The following PPARGC1A variants were observed in gnomAD, a reference collection of about 807,000 sequenced individuals.
PPARGC1A encodes the protein PPARG coactivator 1 alpha.
A neutral mutation model predicts 88.7 loss-of-function variants in PPARGC1A; 25 were observed. The observed-to-expected ratio is 0.28, with a 90% CI of 0.21 to 0.39. The LOEUF (loss-of-function observed/expected upper bound fraction) is 0.39, where lower values mean the gene tolerates loss of function less well. PPARGC1A is among the 10% of genes least tolerant of loss of function. PPARGC1A has a pLI of 1.00. For synonymous variants in PPARGC1A, 363 were observed against 355.6 expected, an observed-to-expected ratio of 1.02 and a Z score of -0.24; for missense variants, 880 against 968.7, an observed-to-expected ratio of 0.91 and a Z score of 1.22.
the PPARGC1A span, among the ~76,000 whole-genome samples, chr4:23,910,227 A>G: frequency 9.2e-6 from 1 of 108,390 alleles, no homozygotes; most frequent in Non-Finnish European, 1.8e-5. Context: ...TATATAATAT[A>G]TTATATATAA....
chr4:23,913,304 AG>A, the PPARGC1A span, among the ~76,000 whole-genome samples: 1,081 of 141,300 alleles, frequency 7.7e-3, 7 homozygotes, highest in Middle Eastern at 0.022. Context: ...AGAGAGAGAG[AG>A]AGAAAGAGAA....
chr4:23,985,688 C>T, the PPARGC1A span, among the ~76,000 whole-genome samples: 1 of 151,956 alleles, frequency 6.6e-6, no homozygotes, highest in Admixed American at 6.6e-5. Flanking sequence ...ACTATAAAAT[C>T]ACACACAAAT....
At chr4:23,849,561 T>G (rs1486885028) in intron 2 of PPARGC1A, among the ~76,000 whole-genome samples, 1 of 151,992 alleles carries the variant, frequency 6.6e-6, no homozygotes, top group African/African-American at 2.4e-5. Context: ...GGGATACAGA[T>G]GAAAAAGAAA....
chr4:23,830,313 T>A (rs2109682422), intron 3 of PPARGC1A, among the ~76,000 whole-genome samples: 1 of 152,304 alleles, frequency 6.6e-6, no homozygotes, highest in South Asian at 2.1e-4. Flanking sequence ...ACAGGCAAAG[T>A]ATTTGCTGTC....
At chr4:24,180,206 C>T in the PPARGC1A span, among the ~76,000 whole-genome samples, 2 of 152,248 alleles carry the variant, frequency 1.3e-5, no homozygotes, top group East Asian at 1.9e-4. Context: ...TTCTCCAAAT[C>T]GTATTCATTT....
the PPARGC1A span, among the ~76,000 whole-genome samples, chr4:24,277,902 T>C: frequency 5.3e-5 from 8 of 152,038 alleles, no homozygotes; most frequent in Non-Finnish European, 1.0e-4. Flanking sequence ...GGGGTGGGTG[T>C]GGTGGCTCAT....
intron 8 of PPARGC1A, among the ~76,000 whole-genome samples, chr4:23,813,406 A>G (rs1310614062): frequency 6.6e-6 from 1 of 152,198 alleles, no homozygotes; most frequent in Admixed American, 6.5e-5. Context: ...ATCCTGGCAC[A>G]GGGCAGCTCT....
chr4:23,854,869 C>T (rs7672915), intron 2 of PPARGC1A, among the ~76,000 whole-genome samples: 77,283 of 151,872 alleles, frequency 0.51, 20,161 homozygotes, highest in Non-Finnish European at 0.56. Context: ...AGGCCTGTTT[C>T]CAATATAAAC....
At chr4:24,324,088 A>G in the PPARGC1A span, among the ~76,000 whole-genome samples, 4 of 152,202 alleles carry the variant, frequency 2.6e-5, no homozygotes, top group Non-Finnish European at 5.9e-5. Context: ...ATCATTGCAG[A>G]GACGCCTCTG....
intron 1 of PPARGC1A, among the ~76,000 whole-genome samples, chr4:23,896,466 C>T (rs1219736109): frequency 6.6e-6 from 1 of 152,052 alleles, no homozygotes; most frequent in African/African-American, 2.4e-5. Context: ...CATACCAAGT[C>T]CAACAGCTGC....
At chr4:24,397,366 C>T in the PPARGC1A span, among the ~76,000 whole-genome samples, 1 of 152,132 alleles carries the variant, frequency 6.6e-6, no homozygotes, top group Non-Finnish European at 1.5e-5. Context: ...TTATAATGTA[C>T]TATGATCCTC....
chr4:24,084,064 G>A, the PPARGC1A span, among the ~76,000 whole-genome samples: 634 of 152,326 alleles, frequency 4.2e-3, 3 homozygotes, highest in Non-Finnish European at 7.3e-3. Flanking sequence ...CAGCTGATCA[G>A]TGGGTAACCA....
At chr4:24,439,894 G>A in the PPARGC1A span, among the ~76,000 whole-genome samples, 1 of 152,118 alleles carries the variant, frequency 6.6e-6, no homozygotes, top group Non-Finnish European at 1.5e-5. Flanking sequence ...ATCCCTTAAG[G>A]TCCAAGAAGG....
At chr4:24,147,227 G>A in the PPARGC1A span, among the ~76,000 whole-genome samples, 1 of 152,190 alleles carries the variant, frequency 6.6e-6, no homozygotes. Flanking sequence ...GCAGAGGTCT[G>A]GTGCAGAGGC....
the PPARGC1A span, among the ~76,000 whole-genome samples, chr4:24,354,614 C>T: frequency 3.9e-5 from 6 of 152,150 alleles, no homozygotes; most frequent in East Asian, 1.9e-4. Context: ...TGGCTGGGTG[C>T]GGTGGCTCAC....
the PPARGC1A span, among the ~76,000 whole-genome samples, chr4:24,073,215 T>C: frequency 6.6e-6 from 1 of 152,050 alleles, no homozygotes; most frequent in South Asian, 2.1e-4. Context: ...CTAATTTTTT[T>C]GTATTTTTGG....
chr4:24,249,492 C>T, the PPARGC1A span, among the ~76,000 whole-genome samples: 1 of 152,214 alleles, frequency 6.6e-6, no homozygotes, highest in Admixed American at 6.5e-5. Context: ...CGTTCCTGGA[C>T]TCACTGTGGG....
chr4:24,329,901 G>C, the PPARGC1A span, among the ~76,000 whole-genome samples: 1 of 152,108 alleles, frequency 6.6e-6, no homozygotes, highest in Non-Finnish European at 1.5e-5. Context: ...ACAAACTAGG[G>C]AGTGAGTATT....
At chr4:23,989,911 A>G in the PPARGC1A span, among the ~76,000 whole-genome samples, 1 of 150,286 alleles carries the variant, frequency 6.7e-6, no homozygotes, top group Non-Finnish European at 1.5e-5. Flanking sequence ...AACTGTTGAA[A>G]TTTTTTTTAA....
Sources: gnomAD v4.1 joint callset for allele counts (sites outside exome capture counted in the v4.1 genomes callset) on GRCh38, gnomAD v4.1.1 for gene constraint, MANE v1.5 for transcripts, NCBI Gene and HGNC (gene_info 2026-07-23, HGNC 2026-07-21) for gene names.